The following PAPPA2 variants were observed in gnomAD, a reference collection of about 807,000 sequenced individuals.
The protein encoded by PAPPA2 is pappalysin-2.
PAPPA2 carries 86 observed loss-of-function variants against 176.4 expected under a neutral mutation model. The ratio of observed to expected loss-of-function variants is 0.49; its 90% CI spans 0.41 to 0.58. The LOEUF is 0.58. Among genes scored for constraint, PAPPA2 ranks in the 20% least tolerant of loss-of-function variants. The pLI is 0.00. For synonymous variants in PAPPA2, 809 were observed against 852.2 expected (o/e 0.95, Z 0.88); for missense variants, 2,073 against 2,256.9 (o/e 0.92, Z 1.65).
intron 1 of PAPPA2, among the ~76,000 whole-genome samples, chr1:176,551,082 C>T (rs1650920615): frequency 6.6e-6 from 1 of 152,074 alleles, no homozygotes; most frequent in South Asian, 2.1e-4. Flanking sequence ...TGCTTGTTCC[C>T]TTACCTGCGA....
intron 1 of PAPPA2, among the ~76,000 whole-genome samples, chr1:176,496,210 T>C (rs2102500560): frequency 6.6e-6 from 1 of 152,322 alleles, no homozygotes; most frequent in African/African-American, 2.4e-5. Flanking sequence ...TTATTTAGCA[T>C]TAGGTATATC....
At chr1:176,784,682 G>A (rs1664856798) in intron 17 of PAPPA2, among the ~76,000 whole-genome samples, 1 of 151,826 alleles carries the variant, frequency 6.6e-6, no homozygotes, top group African/African-American at 2.4e-5. Flanking sequence ...CGCCTCCCAG[G>A]TTCAAGCGAT....
chr1:176,564,251 A>C (rs1297799625), intron 2 of PAPPA2, among the ~76,000 whole-genome samples: 1 of 152,154 alleles, frequency 6.6e-6, no homozygotes, highest in Non-Finnish European at 1.5e-5. Context: ...TTCAAGTTGC[A>C]AGACTCTAGA....
At chr1:176,695,051 T>C (rs1365686437) in intron 6 of PAPPA2, among the ~76,000 whole-genome samples, 1 of 152,140 alleles carries the variant, frequency 6.6e-6, no homozygotes, top group African/African-American at 2.4e-5. Flanking sequence ...CAGAGAAGCT[T>C]GGAAAGGCTG....
rs971741056 is a variant in PAPPA2, at chr1:176,844,384, A to C, written c.*1930A>C. On this transcript the variant is annotated 3_prime_UTR_variant, in exon 23 of 23. Coordinates refer to ENST00000367662, the MANE Select transcript of PAPPA2 (RefSeq NM_020318.3). ...TTATCCACACTATCACGTAGGGAAGAACAATATCCTGAAAGAGAATAAAAC... is the reference window on the plus strand; with the variant it reads ...TTATCCACACTATCACGTAGGGAAGCACAATATCCTGAAAGAGAATAAAAC... 3.3e-5 allele frequency: 5 copies of C among 152,170 alleles called. No individual in the cohort carries two copies. The highest frequency in any genetic ancestry group is 1.2e-4 in the African/African-American group (5 of 41,460). 9.4% of individuals were successfully genotyped at this position (152,170 alleles called of 1,614,324 possible).
intron 1 of PAPPA2, among the ~76,000 whole-genome samples, chr1:176,534,439 G>T (rs1246363611): frequency 1.3e-5 from 2 of 152,214 alleles, no homozygotes; most frequent in African/African-American, 4.8e-5. Flanking sequence ...AATCTGCCCA[G>T]ATTGGAAGAG....
chr1:176,517,763 A>G (rs2102532835), intron 1 of PAPPA2, among the ~76,000 whole-genome samples: 1 of 152,292 alleles, frequency 6.6e-6, no homozygotes, highest in East Asian at 1.9e-4. Context: ...GGCGCCTTTC[A>G]TTGGTACTCC....
At chr1:176,487,699 TTG>T (rs35321295) in intron 1 of PAPPA2, among the ~76,000 whole-genome samples, 29,563 of 152,004 alleles carry the variant, frequency 0.19, 3,931 homozygotes, top group African/African-American at 0.37. Flanking sequence ...GTCTAGGACC[TTG>T]TAGGGGTAGA....
At chr1:176,804,696 G>A (rs1665822878) in intron 21 of PAPPA2, among the ~76,000 whole-genome samples, 1 of 152,132 alleles carries the variant, frequency 6.6e-6, no homozygotes, top group African/African-American at 2.4e-5. Flanking sequence ...TTATGATGCT[G>A]TAACTACTTA....
intron 2 of PAPPA2, among the ~76,000 whole-genome samples, chr1:176,582,691 A>G (rs1009694560): frequency 1.3e-5 from 2 of 151,816 alleles, no homozygotes; most frequent in South Asian, 4.1e-4. Context: ...TAACATCTAT[A>G]TTTATTGGAT....
chr1:176,660,658 A>C (rs1346827536), intron 3 of PAPPA2, among the ~76,000 whole-genome samples: 2 of 152,084 alleles, frequency 1.3e-5, no homozygotes, highest in Non-Finnish European at 2.9e-5. Flanking sequence ...CTCATGAGAG[A>C]TCTATCCAAT....
At chr1:176,657,199 T>C (rs1248924459) in intron 3 of PAPPA2, among the ~76,000 whole-genome samples, 10 of 151,908 alleles carry the variant, frequency 6.6e-5, no homozygotes, top group Non-Finnish European at 1.5e-5. Context: ...CTTCCCAGAA[T>C]TGACATCTAT....
At chr1:176,758,424 A>G (rs542637835) in intron 14 of PAPPA2, among the ~76,000 whole-genome samples, 56 of 152,268 alleles carry the variant, frequency 3.7e-4, no homozygotes, top group Admixed American at 2.7e-3. Context: ...GAATGCTGTT[A>G]TTGTTGTTAA....
At chr1:176,467,045 T>C (rs1002376755) in intron 1 of PAPPA2, among the ~76,000 whole-genome samples, 1 of 152,224 alleles carries the variant, frequency 6.6e-6, no homozygotes, top group African/African-American at 2.4e-5. Context: ...TTCATGGTCA[T>C]GTGAACATCA....
Position 176,770,819 on chromosome 1 carries a change from A to G in PAPPA2, c.4502-148A>G, listed in dbSNP as rs568630398. On this transcript the variant is annotated intron_variant, in intron 16 of 22. Transcript: ENST00000367662. ...TAAAAAGATGTAGGACTAACATTTG[A>G]TGTGGGATTTTTGAGATGCTACTCA... 6.6e-5 allele frequency: 45 copies of G among 685,012 alleles called. No individual in the cohort carries two copies. The African/African-American group carries it at 6.8e-4, about 10-fold the overall frequency. 42.4% of individuals were successfully genotyped at this position (685,012 alleles called of 1,614,324 possible).
At chr1:176,583,567 T>C (rs897182582) in intron 2 of PAPPA2, among the ~76,000 whole-genome samples, 6 of 152,206 alleles carry the variant, frequency 3.9e-5, no homozygotes, top group African/African-American at 7.2e-5. Context: ...TTTTATTCCA[T>C]TGTGGTCAGA....
chr1:176,798,220 T>C (rs1366289253), intron 20 of PAPPA2, among the ~76,000 whole-genome samples: 4 of 152,224 alleles, frequency 2.6e-5, no homozygotes, highest in African/African-American at 4.8e-5. Flanking sequence ...ACATGATTTA[T>C]ATATAAGCTT....
At chr1:176,480,717 A>T (rs1463196069) in intron 1 of PAPPA2, among the ~76,000 whole-genome samples, 1 of 152,138 alleles carries the variant, frequency 6.6e-6, no homozygotes, top group Non-Finnish European at 1.5e-5. Context: ...TTCTTTCTCC[A>T]GCAGTAATTT....
At chr1:176,486,895 G>A (rs1222787862) in intron 1 of PAPPA2, among the ~76,000 whole-genome samples, 1 of 152,070 alleles carries the variant, frequency 6.6e-6, no homozygotes, top group Non-Finnish European at 1.5e-5. Flanking sequence ...GTGTTTACAG[G>A]TGTAGGGAAA....
Sources: allele counts gnomAD v4.1 joint callset (sites outside exome capture counted in the v4.1 genomes callset), GRCh38; gene constraint gnomAD v4.1.1; transcripts MANE v1.5; gene names NCBI Gene and HGNC (gene_info 2026-07-23, HGNC 2026-07-21).